The following TRPM8 variants were observed in gnomAD, a reference collection of about 807,000 sequenced individuals.
The protein encoded by TRPM8 is TRPM8 cationic channel.
TRPM8 carries 110 observed loss-of-function variants against 133.7 expected under a neutral mutation model. The observed-to-expected ratio is 0.82, with a 90% CI of 0.70 to 0.96. TRPM8 has a LOEUF of 0.96. TRPM8 is among the 40% of genes least tolerant of loss of function. TRPM8 has a pLI of 0.00. For missense variants in TRPM8, 1,291 were observed against 1,379.5 expected, an observed-to-expected ratio of 0.94 and a Z score of 1.02; for synonymous variants, 535 against 532.3, an observed-to-expected ratio of 1.01 and a Z score of -0.07.
intron 2 of TRPM8, among the ~76,000 whole-genome samples, chr2:233,927,199 A>G (rs1008635249): frequency 6.6e-5 from 10 of 152,144 alleles, no homozygotes; most frequent in African/African-American, 2.4e-4. Flanking sequence ...GTTCTCATGG[A>G]CTACAGTGTT....
In TRPM8 at chr2:233,941,740, C is replaced by T. The variant is rs557536574; in HGVS notation, c.527-836C>T. On this transcript the variant is annotated intron_variant, in intron 5 of 25. Coordinates refer to ENST00000324695, the MANE Select transcript of TRPM8 (RefSeq NM_024080.5). Reference sequence around the variant, plus strand: ...GTATTTGTTGTACTTTGCTGCCCCCCGCCGCAATAAAACCCTGTATAACCC... The same window carrying T: ...GTATTTGTTGTACTTTGCTGCCCCCTGCCGCAATAAAACCCTGTATAACCC... Among the ~76,000 whole-genome samples, 55 of 152,242 alleles carry T rather than the reference C, an allele frequency of 3.6e-4. 1 individual carries two copies. Among genetic ancestry groups the T allele is most frequent in the Middle Eastern group, 3.4e-3 (1 of 294 alleles).
At chr2:234,001,750 C>T (rs995428565) in intron 22 of TRPM8, among the ~76,000 whole-genome samples, 1 of 152,214 alleles carries the variant, frequency 6.6e-6, no homozygotes, top group Non-Finnish European at 1.5e-5. Flanking sequence ...TCTGGGGCTG[C>T]AGCCATGAAC....
chr2:233,965,855 T>TC (rs940909485), intron 14 of TRPM8: 1 of 151,872 alleles, frequency 6.6e-6, no homozygotes, highest in African/African-American at 2.4e-5. Flanking sequence ...GTTTCTTTTT[T>TC]TTTTTTTTTT....
At chr2:233,926,711 C>G in intron 2 of TRPM8, 57 bp downstream of exon 2, 1 of 1,326,774 alleles carries the variant, frequency 7.5e-7, no homozygotes, top group Admixed American at 1.7e-5. Context: ...CGTAAGCCGT[C>G]AAATCCTGCA....
intron 6 of TRPM8, chr2:233,942,951 G>A (rs1690947105): frequency 1.6e-6 from 1 of 616,830 alleles, no homozygotes; most frequent in Non-Finnish European, 2.9e-6. Context: ...AGTTAACAAT[G>A]AATGTTTTGT....
chr2:233,984,488 CATT>C (rs1692092858), intron 20 of TRPM8, among the ~76,000 whole-genome samples: 1 of 152,254 alleles, frequency 6.6e-6, no homozygotes, highest in Admixed American at 6.5e-5. Context: ...TCAGAAGCCT[CATT>C]GTTGTCCTTA....
chr2:233,981,888 A>G lies in TRPM8; in HGVS notation c.2562A>G (p.Gly854=). 1 of 1,612,940 alleles carries G rather than the reference A, an allele frequency of 6.2e-7. No homozygotes were observed. Among genetic ancestry groups the G allele is most frequent in the East Asian group, 2.2e-5 (1 of 44,840 alleles). ...IHIFTVSRNL[G]PKIIMLQRML... ...TTTTTACTGTAAGCAGAAACTTAGG[A>G]CCCAAGATTATAATGCTGCAGAGGA... Residue 854 remains glycine (G), a synonymous_variant, in exon 19 of 26, where the codon GGA becomes GGG. Coordinates refer to ENST00000324695, the MANE Select transcript of TRPM8 (RefSeq NM_024080.5).
chr2:233,984,127 C>G (rs1269585213), intron 20 of TRPM8, among the ~76,000 whole-genome samples: 1 of 152,176 alleles, frequency 6.6e-6, no homozygotes, highest in Non-Finnish European at 1.5e-5. Flanking sequence ...GAGGAATTGG[C>G]AGGCGGGGTT....
chr2:233,919,857 C>A (rs1269092467), intron 1 of TRPM8, among the ~76,000 whole-genome samples: 1 of 152,096 alleles, frequency 6.6e-6, no homozygotes, highest in African/African-American at 2.4e-5. Context: ...GAACACAAAG[C>A]CAAAATTAAC....
intron 17 of TRPM8, among the ~76,000 whole-genome samples, chr2:233,979,130 A>G (rs1347051645): frequency 6.6e-6 from 1 of 152,134 alleles, no homozygotes; most frequent in Non-Finnish European, 1.5e-5. Flanking sequence ...ATGGACTCCT[A>G]TTGGTGAGTT....
At chr2:233,956,234 G>C (rs544367898) in intron 11 of TRPM8, among the ~76,000 whole-genome samples, 1 of 152,192 alleles carries the variant, frequency 6.6e-6, no homozygotes, top group South Asian at 2.1e-4. Context: ...GTGCCAAAAA[G>C]ATTGGTGACT....
At chr2:233,991,518 G>A (rs187464098) in intron 21 of TRPM8, among the ~76,000 whole-genome samples, 1 of 152,348 alleles carries the variant, frequency 6.6e-6, no homozygotes, top group African/African-American at 2.4e-5. Context: ...GTGTGCTGGG[G>A]AAGGAGCGAC....
intron 1 of TRPM8, among the ~76,000 whole-genome samples, chr2:233,920,253 A>C (rs1691381898): frequency 2.0e-5 from 3 of 152,342 alleles, no homozygotes; most frequent in Admixed American, 2.0e-4. Context: ...GTTTTGAAAA[A>C]AATGTGAACG....
intron 24 of TRPM8, among the ~76,000 whole-genome samples, chr2:234,009,679 A>G (rs1692786699): frequency 6.6e-6 from 1 of 151,802 alleles, no homozygotes; most frequent in African/African-American, 2.4e-5. Flanking sequence ...CTTTTTTTAA[A>G]ATTTCCCCCT....
At chr2:234,001,728 T>G (rs1375276033) in intron 22 of TRPM8, among the ~76,000 whole-genome samples, 1 of 152,180 alleles carries the variant, frequency 6.6e-6, no homozygotes, top group Non-Finnish European at 1.5e-5. Flanking sequence ...TGCACAAACA[T>G]GAAGTCTCAG....
intron 1 of TRPM8, among the ~76,000 whole-genome samples, chr2:233,920,071 C>T (rs1229141951): frequency 6.6e-6 from 1 of 152,180 alleles, no homozygotes; most frequent in Non-Finnish European, 1.5e-5. Flanking sequence ...CTGGGGCTCA[C>T]TGCAGATGTC....
chr2:234,013,325 T>C (rs1462092322), intron 24 of TRPM8: 1 of 152,234 alleles, frequency 6.6e-6, no homozygotes, highest in Non-Finnish European at 1.5e-5. Context: ...GTTGTTTGTC[T>C]GTTCAGGCTT....
intron 7 of TRPM8, 32 bp downstream of exon 7, chr2:233,946,062 G>A (rs748457807): frequency 3.8e-6 from 6 of 1,592,036 alleles, no homozygotes; most frequent in Non-Finnish European, 5.2e-6. Flanking sequence ...CACTAGAAGT[G>A]TACAATAACC....
chr2:233,959,895 C>T (rs1035695864), intron 11 of TRPM8, among the ~76,000 whole-genome samples: 1 of 151,876 alleles, frequency 6.6e-6, no homozygotes, highest in Non-Finnish European at 1.5e-5. Context: ...GATTCTCGTG[C>T]CTCAGCCTCC....
Sources: allele counts gnomAD v4.1 joint callset (sites outside exome capture counted in the v4.1 genomes callset), GRCh38; gene constraint gnomAD v4.1.1; transcripts MANE v1.5; gene names NCBI Gene and HGNC (gene_info 2026-07-23, HGNC 2026-07-21).